The following SCARB2 variants were observed in gnomAD, a reference collection of about 807,000 sequenced individuals.
SCARB2 encodes the protein lysosome membrane protein 2.
SCARB2 carries 29 observed loss-of-function variants against 58.6 expected under a neutral mutation model. The observed-to-expected ratio is 0.49, with a 90% CI of 0.37 to 0.67. The LOEUF (loss-of-function observed/expected upper bound fraction) is 0.67. SCARB2 is among the 30% of genes least tolerant of loss of function. The probability of loss-of-function intolerance (pLI) is 0.00; values close to 1 mark genes in which losing one functional copy is unlikely to be tolerated. For synonymous variants in SCARB2, 195 were observed against 210.1 expected, an observed-to-expected ratio of 0.93 and a Z score of 0.62; for missense variants, 488 against 578.5, an observed-to-expected ratio of 0.84 and a Z score of 1.60.
At position 76,187,782 on chromosome 4, in the gene SCARB2, G is replaced by T. The variant is rs185477523; in HGVS notation, c.276-6681C>A. Among the ~76,000 whole-genome samples, 205 of 152,058 alleles carry T rather than the reference G, an allele frequency of 1.3e-3. 2 individuals are homozygous for T. The highest frequency in any genetic ancestry group is 5.6e-4 in the Non-Finnish European group (38 of 67,988). ...GTTCAAAACTTTACTGCATTTTCAA[G>T]TTGATCTTTAGTGATTATATATATG... On this transcript the variant is annotated intron_variant, in intron 2 of 11. Transcript: ENST00000264896.
intron 1 of SCARB2, among the ~76,000 whole-genome samples, chr4:76,210,057 A>T (rs552202405): frequency 1.3e-5 from 2 of 152,332 alleles, no homozygotes; most frequent in African/African-American, 4.8e-5. Flanking sequence ...GCTAAGAGGA[A>T]CCATAGCTTG....
chr4:76,187,804 T>C (rs1408990516), intron 2 of SCARB2, among the ~76,000 whole-genome samples: 2 of 152,078 alleles, frequency 1.3e-5, no homozygotes, highest in Non-Finnish European at 2.9e-5. Flanking sequence ...TGATTATATA[T>C]ATGGAACACA....
At chr4:76,198,827 C>A (rs1399726199) in intron 1 of SCARB2, among the ~76,000 whole-genome samples, 3 of 144,932 alleles carry the variant, frequency 2.1e-5, no homozygotes, top group African/African-American at 8.2e-5. Flanking sequence ...AGATCACGTG[C>A]TGGAGAGTGA....
intron 4 of SCARB2, chr4:76,176,735 A>T: frequency 2.0e-6 from 1 of 492,330 alleles, no homozygotes; most frequent in South Asian, 2.8e-5. Context: ...CAATCTGTTC[A>T]AAGCCTTACA....
upstream of SCARB2, among the ~76,000 whole-genome samples, chr4:76,215,970 C>T (rs1733199065): frequency 6.6e-6 from 1 of 152,132 alleles, no homozygotes; most frequent in Non-Finnish European, 1.5e-5. Flanking sequence ...ATGGTAAGGG[C>T]AGAACTGAGG....
At chr4:76,198,851 TG>T (rs2109963435) in intron 1 of SCARB2, among the ~76,000 whole-genome samples, 1 of 149,042 alleles carries the variant, frequency 6.7e-6, no homozygotes, top group Non-Finnish European at 1.5e-5. Context: ...AGTGTGTGTG[TG>T]TGTGTGTGTG....
At chr4:76,209,041 T>G (rs1732986888) in intron 1 of SCARB2, among the ~76,000 whole-genome samples, 1 of 152,200 alleles carries the variant, frequency 6.6e-6, no homozygotes. Flanking sequence ...GCTCTCTCCT[T>G]CCCTCTCCAT....
At chr4:76,216,448 C>T (rs1159173200), upstream of SCARB2, among the ~76,000 whole-genome samples, 1 of 152,194 alleles carries the variant, frequency 6.6e-6, no homozygotes, top group African/African-American at 2.4e-5. Flanking sequence ...TTCTGGAGGG[C>T]AAACTCCATA....
Position 76,195,693 on chromosome 4 carries a change from T to C in SCARB2, c.275+14A>G, listed in dbSNP as rs759250571. 3.0e-5 allele frequency: 49 copies of C among 1,612,228 alleles called. No individual in the cohort carries two copies. The highest frequency in any genetic ancestry group is 4.0e-5 in the African/African-American group (3 of 74,862). On this transcript the variant is annotated intron_variant, in intron 2 of 11. Coordinates refer to ENST00000264896, the MANE Select transcript of SCARB2 (RefSeq NM_005506.4). ...TCTGTATTTCTTTCAAGACAGGAGG[T>C]GGTCAAGACTTACCTGTAGGTGTAT...
intron 1 of SCARB2, among the ~76,000 whole-genome samples, chr4:76,206,130 G>A (rs1185748971): frequency 6.6e-6 from 1 of 152,174 alleles, no homozygotes; most frequent in African/African-American, 2.4e-5. Context: ...TTTGCCATGT[G>A]AGGTTAGAGT....
rs147993843 is a variant in SCARB2, at chr4:76,232,667, T to C, written c.-358+1636A>G. ...ACCTAAACAAGATTGAACATCATTA[T>C]GACAATTTCATTTACCTAGACATGT... On this transcript the variant is annotated intron_variant, in intron 1 of 11. Transcript: ENST00000638295. Among the ~76,000 whole-genome samples, 324 of 152,354 alleles carry C rather than the reference T, an allele frequency of 2.1e-3. 1 individual carries two copies. The highest frequency in any genetic ancestry group is 6.8e-3 in the Middle Eastern group (2 of 294).
intron 1 of SCARB2, among the ~76,000 whole-genome samples, chr4:76,224,391 A>G (rs1348349760): frequency 2.6e-5 from 4 of 152,138 alleles, no homozygotes; most frequent in Non-Finnish European, 2.9e-5. Context: ...AGAAATGGAG[A>G]GAGGAGGGGC....
chr4:76,173,107 T>C (rs1327891167), intron 7 of SCARB2: 1 of 152,200 alleles, frequency 6.6e-6, no homozygotes, highest in Admixed American at 6.5e-5. Context: ...TTCTGCAACA[T>C]GTGGCTGTTA....
intron 8 of SCARB2, 54 bp from the exon 9 acceptor site, chr4:76,168,530 A>T: frequency 6.8e-7 from 1 of 1,465,292 alleles, no homozygotes; most frequent in South Asian, 1.1e-5. Context: ...ACTGCAAACA[A>T]CTTTTTCAAT....
At chr4:76,233,691 G>A (rs942948707) in intron 1 of SCARB2, among the ~76,000 whole-genome samples, 6 of 151,978 alleles carry the variant, frequency 3.9e-5, no homozygotes, top group Admixed American at 3.9e-4. Context: ...TAAGAGACAG[G>A]GCTAGGAAAA....
chr4:76,177,832 C>G (rs556333634), intron 4 of SCARB2, among the ~76,000 whole-genome samples: 1 of 152,138 alleles, frequency 6.6e-6, no homozygotes, highest in Admixed American at 6.5e-5. Context: ...TGCAAATTCA[C>G]AGAGCCAGAA....
At chr4:76,188,548 C>T (rs3853189) in intron 2 of SCARB2, among the ~76,000 whole-genome samples, 16,127 of 152,200 alleles carry the variant, frequency 0.11, 1,044 homozygotes, top group East Asian at 0.21. Context: ...CCCACCACCA[C>T]ACCAATCTGT....
chr4:76,192,256 T>TA, intron 2 of SCARB2: 1 of 152,304 alleles, frequency 6.6e-6, no homozygotes, highest in East Asian at 1.9e-4. Context: ...TGCAATGTCT[T>TA]AAAGACTGAT....
intron 4 of SCARB2, among the ~76,000 whole-genome samples, chr4:76,177,676 C>T (rs531361069): frequency 1.6e-4 from 24 of 152,290 alleles, no homozygotes; most frequent in South Asian, 1.0e-3. Context: ...ATCTACACAA[C>T]GGAATATTCC....
Sources: allele counts gnomAD v4.1 joint callset (sites outside exome capture counted in the v4.1 genomes callset), GRCh38; gene constraint gnomAD v4.1.1; transcripts MANE v1.5; gene names NCBI Gene and HGNC (gene_info 2026-07-23, HGNC 2026-07-21).